Variants in UNC13C observed in about 807,000 individuals in gnomAD.
The protein encoded by UNC13C is protein unc-13 homolog C.
In UNC13C, 174 loss-of-function variants were observed where a neutral mutation model predicts 245.4. That is an observed-to-expected ratio of 0.71 (90% CI 0.63 to 0.80). The LOEUF is 0.80. Among genes scored for constraint, UNC13C ranks in the 30% least tolerant of loss-of-function variants. The pLI is 0.00. For synonymous variants in UNC13C, 992 were observed against 895.1 expected, an observed-to-expected ratio of 1.11 and a Z score of -1.93; for missense variants, 2,829 against 2,602.9, an observed-to-expected ratio of 1.09 and a Z score of -1.89.
chr15:54,094,487 G>A (rs1027209073), intron 2 of UNC13C, among the ~76,000 whole-genome samples: 22 of 152,110 alleles, frequency 1.4e-4, no homozygotes, highest in African/African-American at 5.1e-4. Context: ...TGTGCTTTGA[G>A]CTAACTATGT....
chr15:54,013,625 A>C lies in UNC13C; in HGVS notation c.722A>C (p.Asp241Ala), dbSNP rs371990383. Reference sequence around the variant, plus strand: ...TCTGGCTGCATTAGCCAAACACATGATGTCATGGAAATGATCTTTAAGGAA... The same window carrying C: ...TCTGGCTGCATTAGCCAAACACATGCTGTCATGGAAATGATCTTTAAGGAA... ...SSSGCISQTH[D>A]VMEMIFKELQ... Residue 241 changes from aspartate to alanine, a missense_variant, in exon 2 of 33, where the codon GAT becomes GCT. Transcript: ENST00000260323. 70 of 1,613,584 alleles carry C rather than the reference A, an allele frequency of 4.3e-5. No individual in the cohort carries two copies. The highest frequency in any genetic ancestry group is 5.5e-5 in the Non-Finnish European group (65 of 1,179,782).
Position 54,003,964 on chromosome 15 carries a change from TCC to T in UNC13C, c.-256-8683_-256-8682del, listed in dbSNP as rs1341838477. On this transcript the variant is annotated intron_variant, in intron 1 of 32. Transcript: ENST00000260323. ...AGGGGCAGCTTGCAGTGAGCCGAGATCCTGCCACAGCACTCCAGCCTGGGCGA... is the reference window on the plus strand; with the variant it reads ...AGGGGCAGCTTGCAGTGAGCCGAGATTGCCACAGCACTCCAGCCTGGGCGA... Among the ~76,000 whole-genome samples, 614 of 152,182 alleles carry T rather than the reference TCC, an allele frequency of 4.0e-3. 23 individuals carry two copies. The East Asian group carries it at 0.11, about 27-fold the overall frequency.
chr15:54,632,123 C>T (rs907193406), downstream of UNC13C: 2 of 152,128 alleles, frequency 1.3e-5, no homozygotes, highest in Non-Finnish European at 2.9e-5. Context: ...GCTTATTTGA[C>T]ATCCATATAT....
rs2034128575 is a variant in UNC13C, at chr15:54,190,007, T to C, written c.3072-45023T>C. ...TTAATGTTTTGCATTTATAAAAGGT[T>C]TTAGAGACTAAACTGATTCTACAAA... On this transcript the variant is annotated intron_variant, in intron 4 of 32. Coordinates refer to ENST00000260323, the MANE Select transcript of UNC13C (RefSeq NM_001080534.3). 1.3e-5 allele frequency among the ~76,000 whole-genome samples: 2 copies of C among 152,156 alleles called. 1 individual carries two copies. Among genetic ancestry groups the C allele is most frequent in the South Asian group, 4.1e-4 (2 of 4,832 alleles).
the UNC13C span, among the ~76,000 whole-genome samples, chr15:53,848,790 C>A: frequency 2.6e-5 from 4 of 152,038 alleles, no homozygotes; most frequent in Admixed American, 1.3e-4. Flanking sequence ...GTGTTTACAT[C>A]TTTTACTTCA....
In UNC13C at chr15:54,129,917, G is replaced by GTTT. The variant is rs36082814; in HGVS notation, c.2984-13093_2984-13091dup. Among the ~76,000 whole-genome samples the GTTT allele has an allele frequency of 1.7e-5, 2 of 121,202 alleles. 1 individual carries two copies. Among genetic ancestry groups the GTTT allele is most frequent in the South Asian group, 4.9e-4 (2 of 4,074 alleles). The allele number at this position is 121,202 out of a possible 152,430, so 79.5% of individuals were successfully genotyped here. On this transcript the variant is annotated intron_variant, in intron 2 of 32. Transcript: ENST00000260323. ...TTTTTGTACTTTGAGTTTATAATGTGTTTTTTTTTTATCTTCTTGAGTTGC... is the reference window on the plus strand; with the variant it reads ...TTTTTGTACTTTGAGTTTATAATGTGTTTTTTTTTTTTTATCTTCTTGAGTTGC...
intron 2 of UNC13C, among the ~76,000 whole-genome samples, chr15:54,138,505 A>G (rs2031847260): frequency 1.3e-5 from 2 of 152,146 alleles, no homozygotes; most frequent in Admixed American, 1.3e-4. Context: ...TTTTTATTTT[A>G]TACATCAGGA....
intron 2 of UNC13C, among the ~76,000 whole-genome samples, chr15:54,140,602 A>G (rs1351566638): frequency 6.6e-6 from 1 of 152,228 alleles, no homozygotes; most frequent in Non-Finnish European, 1.5e-5. Flanking sequence ...TTTGGGACAT[A>G]ACAGGCAGTC....
At chr15:53,847,508 C>T in the UNC13C span, among the ~76,000 whole-genome samples, 1 of 150,016 alleles carries the variant, frequency 6.7e-6, no homozygotes. Flanking sequence ...AGGTGTCCAC[C>T]ACCATGCCTG....
downstream of UNC13C, chr15:54,630,282 C>G (rs1380378529): frequency 6.6e-6 from 1 of 152,298 alleles, no homozygotes; most frequent in East Asian, 1.9e-4. Context: ...CCCACTACAA[C>G]CTGCGCTAAT....
chr15:54,349,603 A>C (rs931761816), intron 17 of UNC13C, among the ~76,000 whole-genome samples: 1 of 152,196 alleles, frequency 6.6e-6, no homozygotes, highest in South Asian at 2.1e-4. Flanking sequence ...ATGAATGCAA[A>C]AATGGTTCAA....
chr15:53,861,966 C>T, the UNC13C span, among the ~76,000 whole-genome samples: 3 of 152,110 alleles, frequency 2.0e-5, no homozygotes, highest in Non-Finnish European at 4.4e-5. Context: ...AGTGTATCAT[C>T]AGGAGGCATT....
intron 10 of UNC13C, among the ~76,000 whole-genome samples, chr15:54,266,692 A>T (rs765041985): frequency 6.6e-6 from 1 of 152,048 alleles, no homozygotes; most frequent in Non-Finnish European, 1.5e-5. Flanking sequence ...TTTAAAGTGT[A>T]CATTTTGTTA....
At chr15:54,168,378 A>G (rs528056489) in intron 4 of UNC13C, among the ~76,000 whole-genome samples, 12 of 152,250 alleles carry the variant, frequency 7.9e-5, no homozygotes, top group Non-Finnish European at 1.5e-4. Context: ...TGCAATGTGT[A>G]ATTTTATGTT....
chr15:54,116,398 GC>G (rs2141185042), intron 2 of UNC13C, among the ~76,000 whole-genome samples: 1 of 152,000 alleles, frequency 6.6e-6, no homozygotes, highest in African/African-American at 2.4e-5. Flanking sequence ...CTATATTTGT[GC>G]CCACTAATCA....
chr15:54,392,713 T>A (rs922776176), intron 17 of UNC13C, among the ~76,000 whole-genome samples: 9 of 151,830 alleles, frequency 5.9e-5, no homozygotes, highest in African/African-American at 2.2e-4. Flanking sequence ...ATTAAAGGCA[T>A]AATTTCTAAT....
At chr15:54,584,046 T>A (rs1329373645) in intron 30 of UNC13C, among the ~76,000 whole-genome samples, 3 of 152,100 alleles carry the variant, frequency 2.0e-5, no homozygotes, top group African/African-American at 7.2e-5. Context: ...AAGTAAGAGA[T>A]TTCTTCTGTT....
At chr15:54,022,368 G>C (rs1895938483) in intron 2 of UNC13C, among the ~76,000 whole-genome samples, 1 of 151,772 alleles carries the variant, frequency 6.6e-6, no homozygotes, top group Non-Finnish European at 1.5e-5. Flanking sequence ...GGAGTACCTT[G>C]ACGATCATGG....
At chr15:54,359,804 G>A (rs2039187969) in intron 17 of UNC13C, among the ~76,000 whole-genome samples, 1 of 151,490 alleles carries the variant, frequency 6.6e-6, no homozygotes, top group South Asian at 2.1e-4. Flanking sequence ...CCAAGTCTTG[G>A]TTTTGTTTTT....
Sources: allele counts gnomAD v4.1 joint callset (sites outside exome capture counted in the v4.1 genomes callset), GRCh38; gene constraint gnomAD v4.1.1; transcripts MANE v1.5; gene names NCBI Gene and HGNC (gene_info 2026-07-23, HGNC 2026-07-21).